Variants in EPB41L3 observed in about 807,000 individuals in gnomAD.
EPB41L3 encodes erythrocyte membrane protein band 4.1 like 3, also known as band 4.1-like protein 3.
Under a neutral mutation model 127.1 loss-of-function variants are expected in EPB41L3, and 57 were observed. The ratio of observed to expected loss-of-function variants is 0.45; its 90% CI spans 0.36 to 0.56. EPB41L3 has a LOEUF of 0.56. EPB41L3 is among the 20% of genes least tolerant of loss of function. EPB41L3 has a pLI of 0.00. For synonymous variants in EPB41L3, 572 were observed against 549.5 expected, an observed-to-expected ratio of 1.04 and a Z score of -0.57; for missense variants, 1,273 against 1,372.2, an observed-to-expected ratio of 0.93 and a Z score of 1.14.
chr18:5,458,655 C>G (rs919427193), intron 3 of EPB41L3, among the ~76,000 whole-genome samples: 3 of 152,156 alleles, frequency 2.0e-5, no homozygotes, highest in Non-Finnish European at 2.9e-5. Context: ...GAAAAAAACA[C>G]ATGAATAACA....
At position 5,397,363 on chromosome 18, in the gene EPB41L3, G is replaced by C; in HGVS notation, c.2536C>G (p.Leu846Val). ...ETEPTVHHLP[L>V]STEKVVQETV... ...TCCTGCACCACCTTCTCAGTGCTAA[G>C]CGGCAGGTGGTGCACGGTGGGTTCC... The change falls in exon 18 of 23, where the codon CTT becomes GTT. Residue 846 changes from leucine (L) to valine (V), a missense_variant. Physicochemically the swap from Leu to Val is conservative, Grantham distance 32. This residue lies in a region of EPB41L3 where 765 missense variants were observed against 782.9 expected (regional missense o/e 0.98). Coordinates refer to ENST00000341928, the MANE Select transcript of EPB41L3 (RefSeq NM_012307.5). This position sits in a 1 kb window ranked among gnomAD's most constrained non-coding sequence, Gnocchi z 4.1. The C allele has an allele frequency of 6.2e-7, 1 of 1,614,012 alleles. No individual in the cohort carries two copies. The highest frequency in any genetic ancestry group is 8.5e-7 in the Non-Finnish European group (1 of 1,180,020).
At chr18:5,564,358 G>T (rs2094171731) in intron 3 of EPB41L3, among the ~76,000 whole-genome samples, 1 of 152,082 alleles carries the variant, frequency 6.6e-6, no homozygotes, top group Non-Finnish European at 1.5e-5. Context: ...TGCCATGTTA[G>T]AGACGAGGAA....
At chr18:5,537,450 T>C (rs2093606827) in intron 1 of EPB41L3, among the ~76,000 whole-genome samples, 1 of 152,160 alleles carries the variant, frequency 6.6e-6, no homozygotes, top group Admixed American at 6.6e-5. Flanking sequence ...CACATTCAAT[T>C]TCTGCAAAAT....
rs1415769629 is a variant in EPB41L3, at chr18:5,574,662, GC to G, written c.-306+37677del. On this transcript the variant is annotated intron_variant, in intron 3 of 21. Transcript: ENST00000545076. ...GGCAGAGGCTCTGCCTATGTGACCT[GC>G]TCCCTGTAAAAGTCCTGGGCCCTGA... Among the ~76,000 whole-genome samples the G allele has an allele frequency of 2.0e-5, 3 of 152,036 alleles. No homozygotes were observed. In the East Asian group the frequency reaches 5.8e-4, roughly 29 times the overall value.
At chr18:5,496,953 T>C (rs2091243178) in intron 1 of EPB41L3, among the ~76,000 whole-genome samples, 2 of 152,192 alleles carry the variant, frequency 1.3e-5, no homozygotes, top group Admixed American at 6.5e-5. Flanking sequence ...TGCTGTTAAA[T>C]AACCCACTTA....
intron 3 of EPB41L3, among the ~76,000 whole-genome samples, chr18:5,552,554 C>G (rs776531119): frequency 9.9e-5 from 15 of 152,106 alleles, no homozygotes; most frequent in Non-Finnish European, 1.9e-4. Flanking sequence ...TGACTATAAC[C>G]TGACGTTTTA....
At chr18:5,498,019 A>G (rs1277628320) in intron 1 of EPB41L3, among the ~76,000 whole-genome samples, 1 of 152,208 alleles carries the variant, frequency 6.6e-6, no homozygotes, top group East Asian at 1.9e-4. Context: ...TGGTCTGTAC[A>G]AGAATTCTGT....
At chr18:5,628,412 A>G (rs2094947493) in intron 1 of EPB41L3, among the ~76,000 whole-genome samples, 1 of 152,166 alleles carries the variant, frequency 6.6e-6, no homozygotes, top group Non-Finnish European at 1.5e-5. Context: ...AACTAACACC[A>G]GGTGCCTGTG....
At chr18:5,473,881 T>A (rs1325983787) in intron 3 of EPB41L3, among the ~76,000 whole-genome samples, 1 of 152,080 alleles carries the variant, frequency 6.6e-6, no homozygotes, top group Non-Finnish European at 1.5e-5. Context: ...TTCGCTATAA[T>A]AAGATCTTTT....
chr18:5,457,702 T>C (rs964456826), intron 3 of EPB41L3, among the ~76,000 whole-genome samples: 2 of 152,122 alleles, frequency 1.3e-5, no homozygotes, highest in South Asian at 2.1e-4. Context: ...TGCCTGCCTC[T>C]GTGACTTCCC....
intron 8 of EPB41L3, among the ~76,000 whole-genome samples, chr18:5,430,728 AT>A (rs34910794): frequency 3.8e-3 from 518 of 134,850 alleles, no homozygotes; most frequent in East Asian, 0.013. Flanking sequence ...CACACTCGAC[AT>A]TTTTTTTTTT....
intron 1 of EPB41L3, among the ~76,000 whole-genome samples, chr18:5,539,320 T>C (rs1429047153): frequency 6.6e-6 from 1 of 152,122 alleles, no homozygotes; most frequent in Admixed American, 6.5e-5. Context: ...TATCAAAATG[T>C]CAGCAATCTA....
chr18:5,505,384 C>G (rs1005918753), intron 1 of EPB41L3, among the ~76,000 whole-genome samples: 1 of 152,082 alleles, frequency 6.6e-6, no homozygotes, highest in Non-Finnish European at 1.5e-5. Flanking sequence ...CAGAATATCT[C>G]CAGAATGTGA....
Position 5,492,454 on chromosome 18 carries a change from T to G in EPB41L3, c.-11-3260A>C, listed in dbSNP as rs1237515552. ...AAACTAGATTTTCAAGATATTTACA[T>G]TGCTTTGGTTCTTTTTCTTATACTC... On this transcript the variant is annotated intron_variant, in intron 1 of 22. Coordinates refer to ENST00000341928, the MANE Select transcript of EPB41L3 (RefSeq NM_012307.5). 1.6e-5 allele frequency among the ~76,000 whole-genome samples: 2 copies of G among 121,662 alleles called. 1 individual carries two copies. The highest frequency in any genetic ancestry group is 9.7e-5 in the African/African-American group (2 of 20,710). The allele number at this position is 121,662 out of a possible 152,430, so 79.8% of individuals were successfully genotyped here.
chr18:5,608,926 A>T (rs1035497879), intron 3 of EPB41L3, among the ~76,000 whole-genome samples: 1 of 152,218 alleles, frequency 6.6e-6, no homozygotes, highest in Admixed American at 6.5e-5. Context: ...CATATTCCTA[A>T]GGATATTTAT....
intron 1 of EPB41L3, among the ~76,000 whole-genome samples, chr18:5,522,680 G>A (rs2148828975): frequency 6.6e-6 from 1 of 152,286 alleles, no homozygotes. Context: ...TTTGACCAAT[G>A]TCTACATTTA....
chr18:5,544,037 C>T, upstream of EPB41L3: 2 of 985,576 alleles, frequency 2.0e-6, no homozygotes, highest in Non-Finnish European at 2.4e-6. Flanking sequence ...CTGCTCGCCG[C>T]TGTTCCCCCC....
chr18:5,416,232 A>G lies in EPB41L3; in HGVS notation c.1653T>C (p.Pro551=). 1.2e-6 allele frequency: 2 copies of G among 1,614,152 alleles called. No homozygotes were observed. Among genetic ancestry groups the G allele is most frequent in the African/African-American group, 1.3e-5 (1 of 75,020 alleles). ...CATCAGAGTCCAAGGCGGGCTCTCCAGGCAGGTGCTCAGCTCTGGACGGCT... is the reference window on the plus strand; with the variant it reads ...CATCAGAGTCCAAGGCGGGCTCTCCGGGCAGGTGCTCAGCTCTGGACGGCT... The part of the protein sequence containing the change: ...GYEPSRAEHL[P]GEPALDSDGP... The change falls in exon 13 of 23, where the codon CCT becomes CCC. Residue 551 remains proline (P), a synonymous_variant. Transcript: ENST00000341928.
chr18:5,397,465 A>G lies in EPB41L3; in HGVS notation c.2473-39T>C, dbSNP rs886104770. 3 of 1,558,792 alleles carry G rather than the reference A, an allele frequency of 1.9e-6. No homozygotes were observed. The highest frequency in any genetic ancestry group is 2.6e-6 in the Non-Finnish European group (3 of 1,152,838). ...GATTGTGGCATCAGTGTGACCATCCATAAACCAAAGGTCAGAAAATAACTA... is the reference window on the plus strand; with the variant it reads ...GATTGTGGCATCAGTGTGACCATCCGTAAACCAAAGGTCAGAAAATAACTA... On this transcript the variant is annotated intron_variant, in intron 17 of 22. Transcript: ENST00000341928. The surrounding 1 kb of genome is among the most constrained non-coding windows in gnomAD (Gnocchi z 4.1).
Sources: allele counts gnomAD v4.1 joint callset (sites outside exome capture counted in the v4.1 genomes callset), GRCh38; gene constraint gnomAD v4.1.1; regional missense constraint gnomAD v4.1.1; non-coding constraint Gnocchi (gnomAD v3.1); transcripts MANE v1.5; gene names NCBI Gene and HGNC (gene_info 2026-07-23, HGNC 2026-07-21).